Variants in DSTYK observed in about 807,000 individuals in gnomAD.
The protein encoded by DSTYK is RIP-homologous kinase.
Under a neutral mutation model 98.7 loss-of-function variants are expected in DSTYK, and 34 were observed. The observed-to-expected ratio is 0.34, with a 90% CI of 0.26 to 0.46. The LOEUF (loss-of-function observed/expected upper bound fraction) is 0.46. Ranked by LOEUF, DSTYK falls within the 20% of genes least tolerant of loss-of-function variation. The pLI is 1.00. For missense variants in DSTYK, 962 were observed against 1,181.7 expected (o/e 0.81, Z 2.73); for synonymous variants, 462 against 457.3 (o/e 1.01, Z -0.13).
intron 1 of DSTYK, among the ~76,000 whole-genome samples, chr1:205,210,435 AAAGTT>A (rs60159462): frequency 0.29 from 44,524 of 151,768 alleles, 8,491 homozygotes; most frequent in Non-Finnish European, 0.43. Flanking sequence ...CTTCCAATCT[AAAGTT>A]ATTTCCTAAT....
At position 205,211,421 on chromosome 1, in the gene DSTYK, C is replaced by G; in HGVS notation, c.115G>C (p.Gly39Arg). 6.2e-7 allele frequency: 1 copy of G among 1,609,368 alleles called. No homozygotes were observed. The highest frequency in any genetic ancestry group is 8.5e-7 in the Non-Finnish European group (1 of 1,178,992). The change falls in exon 1 of 13, where the codon GGA (glycine) becomes CGA (arginine). Residue 39 changes from glycine to arginine, a missense_variant. Gly to Arg is a moderately radical substitution (Grantham distance 125, BLOSUM62 -2). Coordinates refer to ENST00000367162, the MANE Select transcript of DSTYK (RefSeq NM_015375.3). ...TCGCGCAGGTTCTGTCGCAGCCGTC[C>G]CAGGTAGCGGCGGTAGCGGCCGAAG... ...RGFGRYRRYL[G>R]RLRQNLRETQ...
chr1:205,171,834 T>G (rs1015103746), intron 2 of DSTYK, among the ~76,000 whole-genome samples: 5 of 152,250 alleles, frequency 3.3e-5, no homozygotes, highest in African/African-American at 1.2e-4. Context: ...ATGCTCAAGT[T>G]TGTGTCCTTA....
At chr1:205,194,999 T>G (rs528075068) in intron 1 of DSTYK, among the ~76,000 whole-genome samples, 19 of 151,472 alleles carry the variant, frequency 1.3e-4, no homozygotes, top group African/African-American at 4.6e-4. Context: ...ATTTTTTTTT[T>G]TTTTTTTTGT....
At chr1:205,202,454 A>T in intron 1 of DSTYK, 2 of 784,550 alleles carry the variant, frequency 2.5e-6, no homozygotes, top group Non-Finnish European at 4.5e-6. Flanking sequence ...AAGCTTGCTG[A>T]ATTTTTGCTA....
chr1:205,158,544 G>A (rs980689880), intron 9 of DSTYK, among the ~76,000 whole-genome samples: 3 of 152,076 alleles, frequency 2.0e-5, no homozygotes, highest in South Asian at 2.1e-4. Flanking sequence ...AACAGAATTC[G>A]AATTCTATGG....
Position 205,158,667 on chromosome 1 carries a change from G to A in DSTYK, c.2238+880C>T, listed in dbSNP as rs974485973. Among the ~76,000 whole-genome samples the A allele has an allele frequency of 5.9e-5, 9 of 152,178 alleles. No homozygotes were observed. The South Asian group carries it at 1.2e-3, about 21-fold the overall frequency. On this transcript the variant is annotated intron_variant, in intron 9 of 12. Transcript: ENST00000367162. ...CTCCAATGTGCCCAGTGTCCTTACC[G>A]GCCTTCGAATGCTCTAGGCATTAAG...
At position 205,147,537 on chromosome 1, in the gene DSTYK, G is replaced by C; in HGVS notation, c.*21C>G. ...AGGGGGAAGGAAATAACTAGAGAGT[G>C]AAAGAGAAAGGTCTTTGCTTTCAAG... is the stretch of plus-strand genomic sequence containing the variant. On this transcript the variant is annotated 3_prime_UTR_variant, in exon 13 of 13. Coordinates refer to ENST00000367162, the MANE Select transcript of DSTYK (RefSeq NM_015375.3). 5 of 1,595,694 alleles carry C rather than the reference G, an allele frequency of 3.1e-6. No homozygotes were observed. Among genetic ancestry groups the C allele is most frequent in the Non-Finnish European group, 4.3e-6 (5 of 1,165,412 alleles).
At chr1:205,203,020 A>G (rs1329257974) in intron 1 of DSTYK, among the ~76,000 whole-genome samples, 1 of 152,206 alleles carries the variant, frequency 6.6e-6, no homozygotes, top group African/African-American at 2.4e-5. Flanking sequence ...GAAAGTAGAC[A>G]GAGCAAAACA....
At chr1:205,147,966 C>T (rs1164163867) in intron 12 of DSTYK, among the ~76,000 whole-genome samples, 1 of 151,668 alleles carries the variant, frequency 6.6e-6, no homozygotes, top group African/African-American at 2.4e-5. Flanking sequence ...AACACATTAG[C>T]ATATGAAGTT....
intron 2 of DSTYK, among the ~76,000 whole-genome samples, chr1:205,179,028 C>T (rs1015062084): frequency 6.6e-6 from 1 of 151,644 alleles, no homozygotes; most frequent in Non-Finnish European, 1.5e-5. Context: ...CACTCAGGGG[C>T]TGAGGTGAGA....
At position 205,157,368 on chromosome 1, in the gene DSTYK, T is replaced by C. The variant is rs1159249924; in HGVS notation, c.2257A>G (p.Thr753Ala). ...ACATCTAGTGCTATCTGCAAACGTG[T>C]CTCCAGGGTCAGCCCAGCCTTGGGG... is the stretch of plus-strand genomic sequence containing the variant. ...TGLKAGLTLETRLQIALDVVE... is the reference protein window; with the variant it reads ...TGLKAGLTLEARLQIALDVVE... The change falls in exon 10 of 13, where the codon ACA becomes GCA. Residue 753 changes from threonine (T) to alanine (A), a missense_variant. Physicochemically the swap from Thr to Ala is moderately conservative, Grantham distance 58. Transcript: ENST00000367162. The C allele has an allele frequency of 6.2e-7, 1 of 1,614,126 alleles. No individual in the cohort carries two copies. The highest frequency in any genetic ancestry group is 8.5e-7 in the Non-Finnish European group (1 of 1,180,002).
chr1:205,193,898 A>G (rs1244178619), intron 1 of DSTYK, among the ~76,000 whole-genome samples: 1 of 150,860 alleles, frequency 6.6e-6, no homozygotes, highest in Non-Finnish European at 1.5e-5. Context: ...GGAACTAACT[A>G]GCAATCCTCT....
In DSTYK at chr1:205,155,713, G is replaced by A. The variant is rs146883043; in HGVS notation, c.2352+1560C>T. ...AAAAAAGAAAACCTATTTTCTGGGGGAGAAATTCAAGCCTGCTGCAGAAAT... is the reference window on the plus strand; with the variant it reads ...AAAAAAGAAAACCTATTTTCTGGGGAAGAAATTCAAGCCTGCTGCAGAAAT... On this transcript the variant is annotated intron_variant, in intron 10 of 12. Coordinates refer to ENST00000367162, the MANE Select transcript of DSTYK (RefSeq NM_015375.3). 1.6e-3 allele frequency among the ~76,000 whole-genome samples: 246 copies of A among 152,182 alleles called. 1 individual carries two copies. Among genetic ancestry groups the A allele is most frequent in the African/African-American group, 5.6e-3 (232 of 41,536 alleles).
At chr1:205,206,759 T>C (rs1248199071) in intron 1 of DSTYK, among the ~76,000 whole-genome samples, 1 of 150,482 alleles carries the variant, frequency 6.6e-6, no homozygotes, top group Non-Finnish European at 1.5e-5. Flanking sequence ...TTTTTGTATT[T>C]TTAGTAGAGA....
At chr1:205,157,663 G>A (rs1657602338) in intron 9 of DSTYK, among the ~76,000 whole-genome samples, 1 of 151,834 alleles carries the variant, frequency 6.6e-6, no homozygotes, top group Non-Finnish European at 1.5e-5. Flanking sequence ...CTGGGAGGCT[G>A]AGGCAGGAGA....
rs374947620 is a variant in DSTYK at position 205,163,695 on chromosome 1, G to A, written c.1557+28C>T. On this transcript the variant is annotated intron_variant, in intron 4 of 12. Coordinates refer to ENST00000367162, the MANE Select transcript of DSTYK (RefSeq NM_015375.3). ...ATTTTTCATGTGCTATCTATGACAC[G>A]ATGTCTTAAAAATCATTCTTTGTCT... 3.3e-5 allele frequency: 52 copies of A among 1,569,852 alleles called. No homozygotes were observed. In the South Asian group the frequency reaches 3.5e-4, roughly 11 times the overall value.
At chr1:205,197,011 C>T (rs111586429) in intron 1 of DSTYK, among the ~76,000 whole-genome samples, 19 of 151,758 alleles carry the variant, frequency 1.3e-4, no homozygotes, top group Non-Finnish European at 1.5e-5. Flanking sequence ...GTGATCCACC[C>T]GCCATGGCCT....
chr1:205,192,514 G>A (rs1256241508), intron 1 of DSTYK, among the ~76,000 whole-genome samples: 1 of 152,124 alleles, frequency 6.6e-6, no homozygotes, highest in Non-Finnish European at 1.5e-5. Context: ...TCTCCTGGGT[G>A]AGTCACCTGC....
chr1:205,158,892 A>G (rs1463668362), intron 9 of DSTYK, among the ~76,000 whole-genome samples: 1 of 152,202 alleles, frequency 6.6e-6, no homozygotes, highest in East Asian at 1.9e-4. Context: ...TCACTAATAA[A>G]TATCTGTTGA....
Sources: gnomAD v4.1 joint callset for allele counts (sites outside exome capture counted in the v4.1 genomes callset) on GRCh38, gnomAD v4.1.1 for gene constraint, MANE v1.5 for transcripts, NCBI Gene and HGNC (gene_info 2026-07-23, HGNC 2026-07-21) for gene names.